SLC9A9: variants seen among roughly 807,000 people sequenced by gnomAD.
SLC9A9 encodes sodium/hydrogen exchanger 9.
SLC9A9 carries 62 observed loss-of-function variants against 77.8 expected under a neutral mutation model. The ratio of observed to expected loss-of-function variants is 0.80; its 90% CI spans 0.65 to 0.98. SLC9A9 has a LOEUF of 0.98. Ranked by LOEUF, SLC9A9 falls within the 50% of genes least tolerant of loss-of-function variation. The pLI, the probability that SLC9A9 is intolerant of heterozygous loss-of-function variation, is 0.00. For missense variants in SLC9A9, 775 were observed against 774.9 expected (o/e 1.00, Z 0.00); for synonymous variants, 320 against 283.5 (o/e 1.13, Z -1.29).
At chr3:143,578,815 C>T (rs935259918) in intron 6 of SLC9A9, 92 bp from the exon 7 acceptor site, 25 of 1,478,196 alleles carry the variant, frequency 1.7e-5, no homozygotes, top group Non-Finnish European at 2.3e-5. Flanking sequence ...GGTATCTTTC[C>T]CTGTAATGTT....
chr3:143,828,582 C>CAGAGAGAG (rs886605919), intron 2 of SLC9A9, among the ~76,000 whole-genome samples: 1 of 149,790 alleles, frequency 6.7e-6, no homozygotes, highest in Admixed American at 6.7e-5. Context: ...CACACACACA[C>CAGAGAGAG]AGAGAGAGAG....
At chr3:143,701,336 A>G (rs969400570) in intron 4 of SLC9A9, among the ~76,000 whole-genome samples, 1 of 152,208 alleles carries the variant, frequency 6.6e-6, no homozygotes, top group Non-Finnish European at 1.5e-5. Context: ...ATTTTAAAGC[A>G]ACAGAGATAT....
Position 143,268,877 on chromosome 3 carries a change from C to A in SLC9A9, c.1708G>T (p.Gly570Trp), listed in dbSNP as rs780683803. Reference protein sequence around the residue: ...SRLLTSPQAYGEQLKEDDVEC... With the variant: ...SRLLTSPQAYWEQLKEDDVEC... The stretch of plus-strand genomic sequence containing the variant: ...CTAGAGGCCTGAGATTTACTTACCC[C>A]ATAGGCTTGAGGACTGGTAAGCAGC... Residue 570 changes from glycine to tryptophan, a missense_variant and splice_region_variant, in exon 15 of 16, where the codon GGG becomes TGG. Coordinates refer to ENST00000316549, the MANE Select transcript of SLC9A9 (RefSeq NM_173653.4). The A allele has an allele frequency of 1.7e-5, 28 of 1,611,480 alleles. No homozygotes were observed. Among genetic ancestry groups the A allele is most frequent in the Admixed American group, 8.3e-5 (5 of 59,978 alleles).
chr3:143,284,683 A>G (rs1371028420), intron 14 of SLC9A9, among the ~76,000 whole-genome samples: 1 of 152,208 alleles, frequency 6.6e-6, no homozygotes, highest in Non-Finnish European at 1.5e-5. Context: ...ACTGGATCTT[A>G]TGAGATTTCC....
At chr3:143,825,452 C>CA (rs978686256) in intron 2 of SLC9A9, among the ~76,000 whole-genome samples, 2 of 151,582 alleles carry the variant, frequency 1.3e-5, no homozygotes, top group African/African-American at 4.8e-5. Flanking sequence ...TTTAAAGCTA[C>CA]AAAAAATTAA....
intron 4 of SLC9A9, among the ~76,000 whole-genome samples, chr3:143,721,815 G>T (rs1472171004): frequency 6.6e-6 from 1 of 152,176 alleles, no homozygotes; most frequent in Admixed American, 6.5e-5. Flanking sequence ...AGCAAGAAGA[G>T]AAAGTGGAGA....
At chr3:143,583,523 C>T (rs1413645172) in intron 6 of SLC9A9, among the ~76,000 whole-genome samples, 1 of 152,202 alleles carries the variant, frequency 6.6e-6, no homozygotes, top group Non-Finnish European at 1.5e-5. Context: ...AGCATAGAAT[C>T]TGAATCTGAG....
At chr3:143,510,048 C>T (rs898943142) in intron 9 of SLC9A9, among the ~76,000 whole-genome samples, 1 of 152,066 alleles carries the variant, frequency 6.6e-6, no homozygotes, top group African/African-American at 2.4e-5. Flanking sequence ...TTTGTAATTG[C>T]ATAATTTGTA....
At chr3:143,401,105 G>A (rs958873194) in intron 12 of SLC9A9, among the ~76,000 whole-genome samples, 2 of 152,038 alleles carry the variant, frequency 1.3e-5, no homozygotes, top group African/African-American at 2.4e-5. Flanking sequence ...TTGGGTTATC[G>A]TGCTCTTTGG....
chr3:143,540,576 A>C (rs1164828934), intron 9 of SLC9A9, among the ~76,000 whole-genome samples: 1 of 152,216 alleles, frequency 6.6e-6, no homozygotes, highest in Non-Finnish European at 1.5e-5. Flanking sequence ...AGAATGCATA[A>C]ATAAATTGAA....
chr3:143,574,748 G>C (rs1201965517), intron 7 of SLC9A9, among the ~76,000 whole-genome samples: 2 of 152,154 alleles, frequency 1.3e-5, no homozygotes, highest in East Asian at 1.9e-4. Context: ...TTATTTATAG[G>C]TTCCATTATT....
intron 14 of SLC9A9, among the ~76,000 whole-genome samples, chr3:143,312,405 A>G (rs950316555): frequency 6.6e-6 from 1 of 152,236 alleles, no homozygotes; most frequent in Non-Finnish European, 1.5e-5. Context: ...TCAAACATTA[A>G]TCTTTGACTA....
At chr3:143,289,007 G>GT (rs1230242843) in intron 14 of SLC9A9, among the ~76,000 whole-genome samples, 15 of 152,216 alleles carry the variant, frequency 9.9e-5, no homozygotes, top group Non-Finnish European at 1.5e-5. Flanking sequence ...GACATGGCTG[G>GT]TGGTTGACTT....
intron 6 of SLC9A9, among the ~76,000 whole-genome samples, chr3:143,638,567 G>T (rs1351192101): frequency 6.6e-6 from 1 of 152,210 alleles, no homozygotes; most frequent in Non-Finnish European, 1.5e-5. Context: ...TTCTGGCAAC[G>T]GGAAAAGTGA....
intron 12 of SLC9A9, among the ~76,000 whole-genome samples, chr3:143,434,097 T>A (rs576817126): frequency 2.0e-5 from 3 of 152,176 alleles, no homozygotes; most frequent in Non-Finnish European, 4.4e-5. Context: ...TAGCACTGTA[T>A]AATAATACCC....
At chr3:143,681,065 C>T (rs1933073372) in intron 5 of SLC9A9, among the ~76,000 whole-genome samples, 2 of 152,162 alleles carry the variant, frequency 1.3e-5, no homozygotes, top group South Asian at 4.1e-4. Flanking sequence ...CTTTCTCCCA[C>T]TGAATTCTAA....
At position 143,413,044 on chromosome 3, in the gene SLC9A9, C is replaced by T. The variant is rs143115407; in HGVS notation, c.1470-30930G>A. Among the ~76,000 whole-genome samples the T allele has an allele frequency of 4.2e-3, 641 of 152,338 alleles. 4 individuals are homozygous for T. The highest frequency in any genetic ancestry group is 0.015 in the African/African-American group (610 of 41,566). On this transcript the variant is annotated intron_variant, in intron 12 of 15. Transcript: ENST00000316549. Reference sequence around the variant, plus strand: ...GGGCTTTCCCTTACAGAAAACGCCTCTGAATCCTACAGGAGGAACTTCTAA... The same window carrying T: ...GGGCTTTCCCTTACAGAAAACGCCTTTGAATCCTACAGGAGGAACTTCTAA...
chr3:143,348,743 T>C (rs1282767479), intron 14 of SLC9A9, among the ~76,000 whole-genome samples: 1 of 152,212 alleles, frequency 6.6e-6, no homozygotes, highest in Non-Finnish European at 1.5e-5. Flanking sequence ...TTAAAAAACA[T>C]GGAGAATACC....
At chr3:143,587,979 C>G (rs1027730250) in intron 6 of SLC9A9, among the ~76,000 whole-genome samples, 1 of 152,180 alleles carries the variant, frequency 6.6e-6, no homozygotes, top group Non-Finnish European at 1.5e-5. Flanking sequence ...GGACTGGACT[C>G]ATTCTTTGTA....
Sources: allele counts gnomAD v4.1 joint callset (sites outside exome capture counted in the v4.1 genomes callset), GRCh38; gene constraint gnomAD v4.1.1; transcripts MANE v1.5; gene names NCBI Gene and HGNC (gene_info 2026-07-23, HGNC 2026-07-21).